Variants in CRISPLD2 observed in about 807,000 individuals in gnomAD.
CRISPLD2 encodes cysteine-rich secretory protein LCCL domain-containing 2.
A neutral mutation model predicts 71.1 loss-of-function variants in CRISPLD2; 47 were observed. The observed-to-expected ratio is 0.66, with a 90% CI of 0.52 to 0.84. CRISPLD2 has a LOEUF of 0.84. Among genes scored for constraint, CRISPLD2 ranks in the 40% least tolerant of loss-of-function variants. The pLI, the probability that CRISPLD2 is intolerant of heterozygous loss-of-function variation, is 0.00. For missense variants in CRISPLD2, 830 were observed against 651.1 expected, an observed-to-expected ratio of 1.27 and a Z score of -2.99; for synonymous variants, 317 against 250.1, an observed-to-expected ratio of 1.27 and a Z score of -2.52.
intron 6 of CRISPLD2, 127 bp from the exon 7 acceptor site, chr16:84,866,770 G>A (rs898395383): frequency 1.7e-5 from 15 of 879,234 alleles, no homozygotes; most frequent in African/African-American, 6.7e-5. Context: ...TCTCTTTGCC[G>A]CTGAAATGAT....
intron 14 of CRISPLD2, among the ~76,000 whole-genome samples, chr16:84,904,789 C>G (rs2071786992): frequency 6.6e-6 from 1 of 152,048 alleles, no homozygotes; most frequent in African/African-American, 2.4e-5. Flanking sequence ...CTTTGCCTCA[C>G]ACTATATATA....
At chr16:84,845,548 G>C (rs964983910) in intron 2 of CRISPLD2, among the ~76,000 whole-genome samples, 7 of 152,248 alleles carry the variant, frequency 4.6e-5, no homozygotes, top group African/African-American at 1.4e-4. Flanking sequence ...CCAGAGAGAA[G>C]GCACCTGCCC....
intron 12 of CRISPLD2, among the ~76,000 whole-genome samples, chr16:84,878,342 C>G (rs1028235231): frequency 1.3e-5 from 2 of 152,200 alleles, no homozygotes; most frequent in African/African-American, 2.4e-5. Context: ...TGGCCAGTCC[C>G]TCTCCCTCCA....
chr16:84,850,503 C>A, intron 4 of CRISPLD2, 65 bp from the exon 5 acceptor site: 3 of 1,378,974 alleles, frequency 2.2e-6, no homozygotes, highest in South Asian at 2.3e-5. Flanking sequence ...TACATCCAGG[C>A]CAAATGATAT....
chr16:84,842,004 G>A (rs73250056), intron 2 of CRISPLD2: 8,726 of 152,920 alleles, frequency 0.057, 271 homozygotes, highest in Middle Eastern at 0.15. Context: ...GTATTTGGGC[G>A]GGAGGCGGGG....
chr16:84,880,350 G>C (rs1380482357), intron 12 of CRISPLD2, among the ~76,000 whole-genome samples, 159 bp from the exon 13 acceptor site: 1 of 151,720 alleles, frequency 6.6e-6, no homozygotes, highest in Non-Finnish European at 1.5e-5. Context: ...CCTCTGCTGA[G>C]GGGGGAGAAG....
At chr16:84,828,468 C>T (rs1434038625) in intron 1 of CRISPLD2, among the ~76,000 whole-genome samples, 2 of 152,192 alleles carry the variant, frequency 1.3e-5, no homozygotes, top group African/African-American at 2.4e-5. Context: ...GAACCCAGAG[C>T]TGCCCATTCT....
chr16:84,889,266 G>T lies in CRISPLD2; in HGVS notation c.1342G>T (p.Val448Phe). The part of the protein sequence containing the change: ...SICKTAVHAG[V>F]ISNESGGDVD... Reference sequence around the variant, plus strand: ...CTGCAAGACAGCCGTGCACGCGGGAGTCATCAGCAACGAGAGTGGGGGTGA... The same window carrying T: ...CTGCAAGACAGCCGTGCACGCGGGATTCATCAGCAACGAGAGTGGGGGTGA... The change falls in exon 14 of 15, where the codon GTC becomes TTC. Residue 448 changes from valine (V) to phenylalanine (F), a missense_variant. Val to Phe is a conservative substitution (Grantham distance 50, BLOSUM62 -1). Transcript: ENST00000262424. The T allele has an allele frequency of 6.2e-7, 1 of 1,614,178 alleles. No individual in the cohort carries two copies. Among genetic ancestry groups the T allele is most frequent in the Non-Finnish European group, 8.5e-7 (1 of 1,180,036 alleles).
chr16:84,878,493 G>A (rs1177143080), intron 12 of CRISPLD2, among the ~76,000 whole-genome samples: 4 of 152,308 alleles, frequency 2.6e-5, no homozygotes, highest in East Asian at 1.9e-4. Flanking sequence ...AGACTCAGCC[G>A]TGTTGTGGAG....
Position 84,838,436 on chromosome 16 carries a change from G to A in CRISPLD2, c.-60G>A. On this transcript the variant is annotated 5_prime_UTR_variant, in exon 2 of 15. Transcript: ENST00000262424. The stretch of plus-strand genomic sequence containing the variant: ...CTTCCTTTCAGAGCTCAAGCGCCCA[G>A]CTCTGCCCGAGGAGCCCAGGCTGCC... 2 of 1,578,912 alleles carry A rather than the reference G, an allele frequency of 1.3e-6. No homozygotes were observed. The highest frequency in any genetic ancestry group is 2.4e-5 in the South Asian group (2 of 85,094).
In CRISPLD2 at chr16:84,862,617, G is replaced by T. The variant is rs189643505; in HGVS notation, c.710-4280G>T. ...ATTTCCTCAGGCTTTCAGAAGTTAT[G>T]TCCCCGATGGGGCATGGCTGGTCCA... On this transcript the variant is annotated intron_variant, in intron 6 of 14. Transcript: ENST00000262424. Among the ~76,000 whole-genome samples the T allele has an allele frequency of 2.0e-5, 3 of 149,346 alleles. No homozygotes were observed. The East Asian group carries it at 5.9e-4, about 29-fold the overall frequency.
intron 1 of CRISPLD2, among the ~76,000 whole-genome samples, chr16:84,834,774 G>A (rs1360830058): frequency 6.6e-6 from 1 of 152,066 alleles, no homozygotes; most frequent in Admixed American, 6.5e-5. Context: ...CTCTCTCTGT[G>A]GCTGGCAGAC....
At chr16:84,860,367 A>G (rs1384572968) in intron 6 of CRISPLD2, among the ~76,000 whole-genome samples, 1 of 152,140 alleles carries the variant, frequency 6.6e-6, no homozygotes, top group African/African-American at 2.4e-5. Flanking sequence ...GCTTATATAC[A>G]TTTGAAAATT....
At chr16:84,850,041 G>T (rs1056707752) in intron 4 of CRISPLD2, among the ~76,000 whole-genome samples, 2 of 151,594 alleles carry the variant, frequency 1.3e-5, no homozygotes, top group Non-Finnish European at 2.9e-5. Context: ...AACTTCTATG[G>T]CAATTTGACA....
intron 11 of CRISPLD2, among the ~76,000 whole-genome samples, chr16:84,874,507 A>C (rs9934768): frequency 1.1e-4 from 16 of 152,236 alleles, no homozygotes; most frequent in Middle Eastern, 3.4e-3. Flanking sequence ...CCAGAAGTGA[A>C]GGGATGGATC....
intron 5 of CRISPLD2, among the ~76,000 whole-genome samples, chr16:84,852,134 A>G (rs528925554): frequency 8.6e-4 from 131 of 152,348 alleles, no homozygotes; most frequent in African/African-American, 3.1e-3. Context: ...AGAGATGAGG[A>G]CATCAATCCT....
At chr16:84,845,026 T>A (rs1465846541) in intron 2 of CRISPLD2, among the ~76,000 whole-genome samples, 1 of 152,158 alleles carries the variant, frequency 6.6e-6, no homozygotes, top group African/African-American at 2.4e-5. Context: ...CCCGGATAAT[T>A]GATTTCTAGC....
chr16:84,832,577 G>C (rs1239920483), intron 1 of CRISPLD2, among the ~76,000 whole-genome samples: 1 of 152,272 alleles, frequency 6.6e-6, no homozygotes, highest in Non-Finnish European at 1.5e-5. Context: ...GATTACACTG[G>C]AGGTTTCTAG....
At position 84,872,427 on chromosome 16, in the gene CRISPLD2, T is replaced by C. The variant is rs779717506; in HGVS notation, c.915-15T>C. The C allele has an allele frequency of 2.5e-6, 4 of 1,611,044 alleles. No individual in the cohort carries two copies. The highest frequency in any genetic ancestry group is 3.4e-6 in the Non-Finnish European group (4 of 1,177,598). The stretch of plus-strand genomic sequence containing the variant: ...GTGCTTATCTCTGAACATCATTTTA[T>C]TTCTTCCTCGTCAGGTACCAGTGCC... On this transcript the variant is annotated splice_polypyrimidine_tract_variant and intron_variant, in intron 8 of 14. Transcript: ENST00000262424.
Sources: gnomAD v4.1 joint callset for allele counts (sites outside exome capture counted in the v4.1 genomes callset) on GRCh38, gnomAD v4.1.1 for gene constraint, MANE v1.5 for transcripts, NCBI Gene and HGNC (gene_info 2026-07-23, HGNC 2026-07-21) for gene names.